Variants in C3orf18 observed in about 807,000 individuals in gnomAD.
The protein encoded by C3orf18 is uncharacterized protein C3orf18.
Under a neutral mutation model 14.1 loss-of-function variants are expected in C3orf18, and 12 were observed. That is an observed-to-expected ratio of 0.85 (90% CI 0.55 to 1.38). The LOEUF is 1.38. C3orf18 is among the 40% of genes most tolerant of loss of function. The probability of loss-of-function intolerance (pLI) is 0.00; values close to 1 mark genes in which losing one functional copy is unlikely to be tolerated. For missense variants in C3orf18, 196 were observed against 213.9 expected (o/e 0.92, Z 0.52); for synonymous variants, 82 against 87.9 (o/e 0.93, Z 0.38).
At chr3:50,568,725 C>CAAAAAAAAAA (rs66828816), upstream of C3orf18, among the ~76,000 whole-genome samples, 2 of 84,040 alleles carry the variant, frequency 2.4e-5, no homozygotes, top group African/African-American at 9.0e-5. Context: ...AACTCCGTCT[C>CAAAAAAAAAA]AAAAAAAAAA....
At chr3:50,559,787 C>T in intron 5 of C3orf18, 50 bp from the exon 6 acceptor site, 6 of 1,252,236 alleles carry the variant, frequency 4.8e-6, no homozygotes, top group Non-Finnish European at 6.6e-6. Context: ...AGGCCATGCA[C>T]TCACTGGCCT....
At chr3:50,572,108 T>G (rs1483657519), upstream of C3orf18, 1 of 1,613,760 alleles carries the variant, frequency 6.2e-7, no homozygotes, top group Non-Finnish European at 8.5e-7. Flanking sequence ...AGCTGCCCCC[T>G]CTGCAGGATG....
rs1463548971 is a variant in C3orf18 at position 50,558,993 on chromosome 3, C to A, written c.*664G>T. 7.8e-7 allele frequency: 1 copy of A among 1,289,450 alleles called. No homozygotes were observed. The highest frequency in any genetic ancestry group is 1.0e-6 in the Non-Finnish European group (1 of 988,624). 79.9% of individuals were successfully genotyped at this position (1,289,450 alleles called of 1,614,324 possible). On this transcript the variant is annotated 3_prime_UTR_variant, in exon 6 of 6. Coordinates refer to ENST00000357203, the MANE Select transcript of C3orf18 (RefSeq NM_016210.5). ...CACTTCCATTCCCCTACTTCCTTCC[C>A]CCTCAGCTCCCATCCTAGCTTGGCC...
At chr3:50,563,386 T>A (rs1457847779) in intron 3 of C3orf18, among the ~76,000 whole-genome samples, 1 of 150,978 alleles carries the variant, frequency 6.6e-6, no homozygotes, top group Non-Finnish European at 1.5e-5. Flanking sequence ...CCTGAGACCC[T>A]GGGATTCAGA....
chr3:50,572,784 G>T (rs566497677), upstream of C3orf18, among the ~76,000 whole-genome samples: 3 of 152,236 alleles, frequency 2.0e-5, no homozygotes, highest in African/African-American at 4.8e-5. Flanking sequence ...GATGTGTGGC[G>T]CAAGTGTGTT....
At chr3:50,563,654 C>G (rs1700120267) in intron 3 of C3orf18, among the ~76,000 whole-genome samples, 1 of 152,186 alleles carries the variant, frequency 6.6e-6, no homozygotes, top group African/African-American at 2.4e-5. Flanking sequence ...CTGCTTGAGG[C>G]TGGCATCGGG....
chr3:50,562,438 CCAGGCTCAAAGCCACATG>C, intron 3 of C3orf18: 2 of 454,350 alleles, frequency 4.4e-6, no homozygotes, highest in Non-Finnish European at 8.8e-6. Context: ...TCAACTCTTC[CCAGGCTCAAAGCCACATG>C]CAGGCAAAAA....
chr3:50,573,656 A>G (rs755207031), upstream of C3orf18, among the ~76,000 whole-genome samples: 5 of 152,080 alleles, frequency 3.3e-5, no homozygotes, highest in Non-Finnish European at 5.9e-5. Flanking sequence ...ATTTCTGAGA[A>G]CTCACCAGGT....
upstream of C3orf18, chr3:50,570,990 T>C: frequency 1.4e-6 from 1 of 733,944 alleles, no homozygotes; most frequent in Non-Finnish European, 2.2e-6. Context: ...GCTTGTGACC[T>C]CTCCATCTCC....
intron 4 of C3orf18, 115 bp downstream of exon 4, chr3:50,561,607 G>A (rs963067587): frequency 3.3e-5 from 34 of 1,015,926 alleles, no homozygotes; most frequent in Admixed American, 1.7e-4. Flanking sequence ...CCATGAATGG[G>A]CAGGACAGGC....
upstream of C3orf18, among the ~76,000 whole-genome samples, chr3:50,574,154 TCCCGCATGCGTCTGTG>T (rs1175377494): frequency 6.6e-6 from 1 of 152,166 alleles, no homozygotes; most frequent in Non-Finnish European, 1.5e-5. Context: ...CTCACCTCTT[TCCCGCATGCGTCTGTG>T]CCCCACCCTG....
At chr3:50,570,975 C>A, upstream of C3orf18, 1 of 633,764 alleles carries the variant, frequency 1.6e-6, no homozygotes, top group South Asian at 2.3e-5. Flanking sequence ...TTTTGGGGCA[C>A]CAGAGCTTGT....
In C3orf18 at chr3:50,558,823, T is replaced by C. The variant is rs923195104; in HGVS notation, c.*834A>G. 12 of 1,289,780 alleles carry C rather than the reference T, an allele frequency of 9.3e-6. No individual in the cohort carries two copies. Among genetic ancestry groups the C allele is most frequent in the East Asian group, 1.1e-4 (2 of 18,012 alleles). The allele number at this position is 1,289,780 out of a possible 1,614,324, so 79.9% of individuals were successfully genotyped here. On this transcript the variant is annotated 3_prime_UTR_variant, in exon 6 of 6. Coordinates refer to ENST00000357203, the MANE Select transcript of C3orf18 (RefSeq NM_016210.5). ...TACCCTGATGCTCCACTACATACCA[T>C]GGGGTAGAGGTCGACTTGGAGGGTG...
upstream of C3orf18, chr3:50,570,467 G>A (rs1288524841): frequency 6.6e-6 from 1 of 152,204 alleles, no homozygotes; most frequent in Non-Finnish European, 1.5e-5. Context: ...GCAATCATCT[G>A]CCTCTTGTAA....
chr3:50,560,962 G>A lies in C3orf18; in HGVS notation c.363C>T (p.Ala121=), dbSNP rs377301016. 32 of 1,613,966 alleles carry A rather than the reference G, an allele frequency of 2.0e-5. No homozygotes were observed. The highest frequency in any genetic ancestry group is 9.3e-5 in the African/African-American group (7 of 74,936). Residue 121 remains alanine, a synonymous_variant, in exon 5 of 6, where the codon GCC becomes GCT. Transcript: ENST00000357203. ...EQELLEHGRD[A]ASVQAATSVQ... is the part of the protein sequence containing the mutation. ...CAGAAGTAGCAGCCTGTACAGAGGC[G>A]GCGTCCCGCCCATGCTCCAGCAGCT...
Position 50,559,304 on chromosome 3 carries a change from C to T in C3orf18, c.*353G>A, listed in dbSNP as rs891521122. 8.0e-7 allele frequency: 1 copy of T among 1,247,264 alleles called. No homozygotes were observed. The allele number at this position is 1,247,264 out of a possible 1,614,324, so 77.3% of individuals were successfully genotyped here. ...CCCTTTCCTCCCCCAATCCCTCCCA[C>T]TCCGTATCTCCCTCATTTCCTCCAC... On this transcript the variant is annotated 3_prime_UTR_variant, in exon 6 of 6. Coordinates refer to ENST00000357203, the MANE Select transcript of C3orf18 (RefSeq NM_016210.5).
chr3:50,558,724 G>A lies in C3orf18; in HGVS notation c.*933C>T. ...GGTGAGCCCAGTGAAACAATGCAGT[G>A]GAGAGAGGAACCGTGCTGTGCGTGC... On this transcript the variant is annotated 3_prime_UTR_variant, in exon 6 of 6. Coordinates refer to ENST00000357203, the MANE Select transcript of C3orf18 (RefSeq NM_016210.5). The A allele has an allele frequency of 7.8e-7, 1 of 1,289,754 alleles. No individual in the cohort carries two copies. The highest frequency in any genetic ancestry group is 1.0e-6 in the Non-Finnish European group (1 of 988,818). The allele number at this position is 1,289,754 out of a possible 1,614,324, so 79.9% of individuals were successfully genotyped here. A position where few individuals can be genotyped will look rare whatever the true frequency, so the allele number is the denominator to read the frequency against.
chr3:50,560,584 C>T (rs1394367221), intron 5 of C3orf18, among the ~76,000 whole-genome samples: 4 of 152,190 alleles, frequency 2.6e-5, no homozygotes, highest in Non-Finnish European at 5.9e-5. Flanking sequence ...CTAACCAGTA[C>T]GTGGGGGCAC....
In C3orf18 at chr3:50,558,671, C is replaced by T. The variant is rs1699790450; in HGVS notation, c.*986G>A. ...CCCAACCCCAGATCCTCATTAGAGC[C>T]CAAGACAGGGAGCCGTTTTCAGAAG... On this transcript the variant is annotated 3_prime_UTR_variant, in exon 6 of 6. Transcript: ENST00000357203. 7.8e-7 allele frequency: 1 copy of T among 1,279,656 alleles called. No individual in the cohort carries two copies. Among genetic ancestry groups the T allele is most frequent in the South Asian group, 1.3e-5 (1 of 79,424 alleles). The allele number at this position is 1,279,656 out of a possible 1,614,324, so 79.3% of individuals were successfully genotyped here. A position where few individuals can be genotyped will look rare whatever the true frequency, so the allele number is the denominator to read the frequency against.
Sources: allele counts gnomAD v4.1 joint callset (sites outside exome capture counted in the v4.1 genomes callset), GRCh38; gene constraint gnomAD v4.1.1; transcripts MANE v1.5; gene names NCBI Gene and HGNC (gene_info 2026-07-23, HGNC 2026-07-21).